The following SLC12A9 variants were observed in gnomAD, a reference collection of about 807,000 sequenced individuals.
The protein encoded by SLC12A9 is CCC-interacting protein 1.
In SLC12A9, 55 loss-of-function variants were observed where a neutral mutation model predicts 66.0. That is an observed-to-expected ratio of 0.83 (90% CI 0.67 to 1.04). SLC12A9 has a LOEUF of 1.04. Ranked by LOEUF, SLC12A9 falls within the 50% of genes least tolerant of loss-of-function variation. The pLI is 0.00. For missense variants in SLC12A9, 1,061 were observed against 1,241.9 expected (o/e 0.85, Z 2.19); for synonymous variants, 577 against 569.0 (o/e 1.01, Z -0.20).
intron 1 of SLC12A9, among the ~76,000 whole-genome samples, chr7:100,846,439 C>T (rs55980512): frequency 0.045 from 6,777 of 152,028 alleles, 159 homozygotes; most frequent in South Asian, 0.074. Context: ...TGGTGGCGGG[C>T]GCCTGTAGTC....
intron 13 of SLC12A9, among the ~76,000 whole-genome samples, chr7:100,864,492 A>T (rs1200642847): frequency 6.6e-6 from 1 of 152,176 alleles, no homozygotes; most frequent in African/African-American, 2.4e-5. Flanking sequence ...TGTTTGTTTC[A>T]TGAGAAGGGG....
chr7:100,841,187 C>A (rs190052506), intron 1 of SLC12A9, among the ~76,000 whole-genome samples: 1 of 150,150 alleles, frequency 6.7e-6, no homozygotes, highest in Admixed American at 6.7e-5. Flanking sequence ...TGTAATAAGT[C>A]AAAAAGTTGA....
At chr7:100,862,631 AT>A (rs1427856625) in intron 12 of SLC12A9, 49 bp from the exon 13 acceptor site, 1 of 1,606,294 alleles carries the variant, frequency 6.2e-7, no homozygotes, top group African/African-American at 1.3e-5. Flanking sequence ...TCTAGGAGAC[AT>A]TGAGTTTGGA....
upstream of SLC12A9, among the ~76,000 whole-genome samples, chr7:100,848,777 T>C (rs1189677910): frequency 6.6e-6 from 1 of 151,884 alleles, no homozygotes; most frequent in Non-Finnish European, 1.5e-5. Context: ...TCCCAGCTAC[T>C]TGGGAGGCTG....
intron 1 of SLC12A9, among the ~76,000 whole-genome samples, chr7:100,828,858 C>T (rs575996764): frequency 6.6e-6 from 1 of 152,306 alleles, no homozygotes; most frequent in South Asian, 2.1e-4. Context: ...CACCAACCCC[C>T]TTCTACTTCA....
chr7:100,843,275 G>A (rs1374964821), intron 1 of SLC12A9, among the ~76,000 whole-genome samples: 1 of 152,202 alleles, frequency 6.6e-6, no homozygotes, highest in Non-Finnish European at 1.5e-5. Context: ...TGTCTATTTA[G>A]ACGCAATTGG....
chr7:100,843,651 A>C (rs529642881), intron 1 of SLC12A9, among the ~76,000 whole-genome samples: 3 of 152,332 alleles, frequency 2.0e-5, no homozygotes, highest in African/African-American at 7.2e-5. Context: ...TTAGCACAAG[A>C]AGCAGATAAA....
Position 100,860,043 on chromosome 7 carries a change from G to C in SLC12A9, c.1135+1G>C, listed in dbSNP as rs751727205. ...GCCCTGGCCCGGGATGACCTCTTTG[G>C]TGGGTTCTCTGCCTCCTTGCTGGCT... is the stretch of plus-strand genomic sequence containing the variant. On this transcript the variant is annotated splice_donor_variant, in intron 8 of 13. Transcript: ENST00000354161. LOFTEE classifies it high-confidence loss of function. 1 of 1,614,106 alleles carries C rather than the reference G, an allele frequency of 6.2e-7. No homozygotes were observed. The highest frequency in any genetic ancestry group is 8.5e-7 in the Non-Finnish European group (1 of 1,180,010).
chr7:100,857,648 G>A (rs1205793117), intron 5 of SLC12A9: 5 of 162,362 alleles, frequency 3.1e-5, no homozygotes, highest in African/African-American at 1.2e-4. Context: ...GCTCACGCCT[G>A]TAATCCCAGC....
chr7:100,858,687 G>C (rs1173186421), intron 5 of SLC12A9, 148 bp from the exon 6 acceptor site: 2 of 685,334 alleles, frequency 2.9e-6, no homozygotes, highest in Non-Finnish European at 2.5e-6. Context: ...GGCTGACCCA[G>C]GGCCAGTGCA....
intron 9 of SLC12A9, 96 bp downstream of exon 9, chr7:100,860,328 A>C: frequency 7.8e-7 from 1 of 1,278,108 alleles, no homozygotes; most frequent in Non-Finnish European, 1.1e-6. Context: ...ATGTAAAGAC[A>C]AATGCGTATG....
At chr7:100,851,136 C>T (rs934734502), upstream of SLC12A9, among the ~76,000 whole-genome samples, 5 of 152,270 alleles carry the variant, frequency 3.3e-5, no homozygotes, top group South Asian at 6.2e-4. Context: ...AGATTACAGG[C>T]GTGACCCACT....
rs371265201 is a variant in SLC12A9, at chr7:100,861,281, T to G, written c.1343+19T>G. ...ACTTCCGGTGAGAGACTCAGATCTG[T>G]GTCCCCAGAGAGAAGAAGGGAGGAC... On this transcript the variant is annotated intron_variant, in intron 10 of 13. Coordinates refer to ENST00000354161, the MANE Select transcript of SLC12A9 (RefSeq NM_020246.4). The surrounding 1 kb of genome is among the most constrained non-coding windows in gnomAD (Gnocchi z 5.3). 65 of 1,613,946 alleles carry G rather than the reference T, an allele frequency of 4.0e-5. No individual in the cohort carries two copies. The highest frequency in any genetic ancestry group is 5.3e-5 in the Non-Finnish European group (63 of 1,179,964).
chr7:100,828,747 G>C (rs1208717363), intron 1 of SLC12A9, among the ~76,000 whole-genome samples: 2 of 151,948 alleles, frequency 1.3e-5, no homozygotes, highest in Non-Finnish European at 2.9e-5. Flanking sequence ...CTGGCTCCTG[G>C]GGGCCCTCGG....
In SLC12A9 at chr7:100,861,117, C is replaced by T. The variant is rs758307749; in HGVS notation, c.1219-21C>T. ...GCACTGGCACTTTGGAACAACGGCACGCCTCTTGGCCCTTGCCCAGCTGGT... is the reference window on the plus strand; with the variant it reads ...GCACTGGCACTTTGGAACAACGGCATGCCTCTTGGCCCTTGCCCAGCTGGT... On this transcript the variant is annotated intron_variant, in intron 9 of 13. Transcript: ENST00000354161. This position sits in a 1 kb window ranked among gnomAD's most constrained non-coding sequence, Gnocchi z 5.3. The T allele has an allele frequency of 2.8e-5, 45 of 1,614,136 alleles. 1 individual carries two copies. The highest frequency in any genetic ancestry group is 2.5e-4 in the South Asian group (23 of 91,092).
chr7:100,860,956 T>G, intron 9 of SLC12A9, 182 bp from the exon 10 acceptor site: 2 of 1,100,892 alleles, frequency 1.8e-6, no homozygotes, highest in Non-Finnish European at 1.3e-6. Context: ...ACTTTTGGGG[T>G]TTAATAGCAT....
At chr7:100,859,195 C>A in intron 7 of SLC12A9, 34 bp downstream of exon 7, 1 of 1,592,688 alleles carries the variant, frequency 6.3e-7, no homozygotes, top group Non-Finnish European at 8.6e-7. Flanking sequence ...GAGTGTCGAA[C>A]AAGATTGGTG....
Position 100,865,866 on chromosome 7 carries a change from C to G in SLC12A9, c.2006C>G (p.Pro669Arg), listed in dbSNP as rs1464817281. Residue 669 changes from proline to arginine, a missense_variant, in exon 14 of 14, where the codon CCC (proline) becomes CGC (arginine). Pro to Arg is a moderately radical substitution (Grantham distance 103, BLOSUM62 -2). Coordinates refer to ENST00000354161, the MANE Select transcript of SLC12A9 (RefSeq NM_020246.4). The stretch of plus-strand genomic sequence containing the variant: ...GCTCTGAGCACCCTGTTCCCTCCTC[C>G]CCGGGCTCCTGGGAGCCCCCGGGCC... The part of the protein sequence containing the change: ...SPALSTLFPP[P>R]RAPGSPRALN... 3 of 1,613,786 alleles carry G rather than the reference C, an allele frequency of 1.9e-6. No individual in the cohort carries two copies. The highest frequency in any genetic ancestry group is 1.3e-5 in the African/African-American group (1 of 75,066).
At chr7:100,828,691 C>G (rs550112075) in intron 1 of SLC12A9, among the ~76,000 whole-genome samples, 184 of 152,026 alleles carry the variant, frequency 1.2e-3, no homozygotes, top group Admixed American at 4.7e-3. Context: ...ACCCCTGAGG[C>G]TGGGGCTGCG....
Sources: allele counts gnomAD v4.1 joint callset (sites outside exome capture counted in the v4.1 genomes callset), GRCh38; gene constraint gnomAD v4.1.1; non-coding constraint Gnocchi (gnomAD v3.1); transcripts MANE v1.5; gene names NCBI Gene and HGNC (gene_info 2026-07-23, HGNC 2026-07-21).